OIT3: variants seen among roughly 807,000 people sequenced by gnomAD.
OIT3 encodes the protein oncoprotein-induced transcript 3 protein.
A neutral mutation model predicts 52.2 loss-of-function variants in OIT3; 41 were observed. That is an observed-to-expected ratio of 0.79 (90% CI 0.61 to 1.02). OIT3 has a LOEUF of 1.02. Among genes scored for constraint, OIT3 ranks in the 50% least tolerant of loss-of-function variants. The pLI, the probability that OIT3 is intolerant of heterozygous loss-of-function variation, is 0.00. For missense variants in OIT3, 634 were observed against 715.5 expected, an observed-to-expected ratio of 0.89 and a Z score of 1.30; for synonymous variants, 244 against 276.9, an observed-to-expected ratio of 0.88 and a Z score of 1.18.
chr10:72,894,454 C>G (rs1485337478), intron 1 of OIT3, among the ~76,000 whole-genome samples: 1 of 152,168 alleles, frequency 6.6e-6, no homozygotes, highest in Non-Finnish European at 1.5e-5. Flanking sequence ...AATGTGAGTA[C>G]TAACTGGAAC....
intron 5 of OIT3, 55 bp from the exon 6 acceptor site, chr10:72,913,253 G>T: frequency 3.5e-6 from 5 of 1,422,818 alleles, no homozygotes; most frequent in Non-Finnish European, 4.8e-6. Flanking sequence ...TCTCCTAAAA[G>T]CCTTCCTCCC....
chr10:72,901,991 AT>A (rs1244639229), intron 3 of OIT3, among the ~76,000 whole-genome samples: 5 of 152,008 alleles, frequency 3.3e-5, no homozygotes, highest in Non-Finnish European at 5.9e-5. Context: ...ATCAGCTCTG[AT>A]TGTGTCACTG....
At chr10:72,899,900 A>G (rs1457638722) in intron 2 of OIT3, among the ~76,000 whole-genome samples, 2 of 152,154 alleles carry the variant, frequency 1.3e-5, no homozygotes, top group Non-Finnish European at 2.9e-5. Flanking sequence ...CAATGTCTGT[A>G]TTCATTTTTT....
intron 7 of OIT3, among the ~76,000 whole-genome samples, chr10:72,928,847 CTTATT>C (rs964036041): frequency 2.6e-5 from 4 of 152,116 alleles, no homozygotes; most frequent in Non-Finnish European, 5.9e-5. Context: ...GTCAAGATGC[CTTATT>C]TTAAAATAAT....
rs774199341 is a variant in OIT3 at position 72,893,838 on chromosome 10, G to A, written c.40G>A (p.Gly14Ser). The change falls in exon 1 of 9, where the codon GGC (glycine) becomes AGC (serine). Residue 14 changes from glycine (G) to serine (S), a missense_variant. Coordinates refer to ENST00000334011, the MANE Select transcript of OIT3 (RefSeq NM_152635.3). ...FLLLTCLFIT[G>S]TSVSPVALDP... is the part of the protein sequence containing the mutation. The stretch of plus-strand genomic sequence containing the variant: ...GCTTCTCACCTGCCTCTTCATCACA[G>A]GCACCTCCGTGTCACCCGTGGGTGA... 1.3e-5 allele frequency: 21 copies of A among 1,610,276 alleles called. No homozygotes were observed. The highest frequency in any genetic ancestry group is 1.7e-4 in the Middle Eastern group (1 of 6,058).
intron 1 of OIT3, 26 bp downstream of exon 1, chr10:72,893,885 A>G (rs1845851506): frequency 6.3e-7 from 1 of 1,584,306 alleles, no homozygotes; most frequent in Admixed American, 1.8e-5. Context: ...AGAACTTGGC[A>G]CAATGCACTT....
intron 3 of OIT3, among the ~76,000 whole-genome samples, chr10:72,903,256 A>G (rs1003515929): frequency 9.9e-5 from 15 of 151,314 alleles, no homozygotes; most frequent in African/African-American, 3.2e-4. Context: ...ATGGAGTTTC[A>G]CTCCTGTTGC....
rs752963067 is a variant in OIT3, at chr10:72,898,847, C to A, written c.245C>A (p.Thr82Asn). Residue 82 changes from threonine (T) to asparagine (N), a missense_variant, in exon 2 of 9, where the codon ACC becomes AAC. Thr to Asn is a moderately conservative substitution (Grantham distance 65). Coordinates refer to ENST00000334011, the MANE Select transcript of OIT3 (RefSeq NM_152635.3). Reference protein sequence around the residue: ...TFCIPENHCGTHAPVWLNGSH... With the variant: ...TFCIPENHCGNHAPVWLNGSH... ...TGCATACCAGAAAACCACTGTGGAACCCACGCACCTGTCTGGCTCAATGGC... is the reference window on the plus strand; with the variant it reads ...TGCATACCAGAAAACCACTGTGGAAACCACGCACCTGTCTGGCTCAATGGC... 1 of 1,614,162 alleles carries A rather than the reference C, an allele frequency of 6.2e-7. No individual in the cohort carries two copies. The highest frequency in any genetic ancestry group is 2.2e-5 in the East Asian group (1 of 44,878).
chr10:72,923,487 G>A (rs74145985), intron 6 of OIT3, among the ~76,000 whole-genome samples: 6,097 of 152,240 alleles, frequency 0.04, 423 homozygotes, highest in African/African-American at 0.14. Flanking sequence ...CTTTCATAGA[G>A]CAACTGAACT....
At position 72,924,780 on chromosome 10, in the gene OIT3, A is replaced by G. The variant is rs148900450; in HGVS notation, c.1367+136A>G. On this transcript the variant is annotated intron_variant, in intron 7 of 8. Coordinates refer to ENST00000334011, the MANE Select transcript of OIT3 (RefSeq NM_152635.3). ...ATTAGTTCAGGAACCACTTATTGAC[A>G]TTTTGGAGGTAAAACTAGTGAGGGA... The G allele has an allele frequency of 2.1e-4, 169 of 793,806 alleles. 1 individual carries two copies. The East Asian group carries it at 4.2e-3, about 20-fold the overall frequency. The allele number at this position is 793,806 out of a possible 1,614,324, so 49.2% of individuals were successfully genotyped here.
intron 3 of OIT3, among the ~76,000 whole-genome samples, chr10:72,903,924 A>G (rs1355289824): frequency 6.6e-6 from 1 of 152,130 alleles, no homozygotes; most frequent in Non-Finnish European, 1.5e-5. Flanking sequence ...CACCCCTCAT[A>G]TTGTCTTATG....
At chr10:72,915,222 C>T (rs571612340) in intron 6 of OIT3, among the ~76,000 whole-genome samples, 6 of 152,030 alleles carry the variant, frequency 3.9e-5, no homozygotes, top group South Asian at 2.1e-4. Context: ...AAGAGCTAGG[C>T]GGTATAATAC....
chr10:72,905,587 G>GC (rs1380763663), intron 3 of OIT3, among the ~76,000 whole-genome samples: 1 of 152,192 alleles, frequency 6.6e-6, no homozygotes, highest in East Asian at 1.9e-4. Context: ...CATCACAGAT[G>GC]CTTTATCAGA....
intron 4 of OIT3, 60 bp downstream of exon 4, chr10:72,906,778 T>C: frequency 6.8e-7 from 1 of 1,476,950 alleles, no homozygotes; most frequent in Non-Finnish European, 9.0e-7. Flanking sequence ...TGGCTTATTC[T>C]CTGATGTTCA....
intron 4 of OIT3, among the ~76,000 whole-genome samples, chr10:72,909,513 G>A (rs1036749404): frequency 6.6e-6 from 1 of 151,994 alleles, no homozygotes; most frequent in Non-Finnish European, 1.5e-5. Flanking sequence ...AGAACATGCA[G>A]TATTTTTCTG....
At chr10:72,915,121 C>A (rs188348622) in intron 6 of OIT3, among the ~76,000 whole-genome samples, 1 of 152,270 alleles carries the variant, frequency 6.6e-6, no homozygotes, top group East Asian at 1.9e-4. Context: ...CGGCCTCAGA[C>A]CCCCAAAGTG....
rs530563907 is a variant in OIT3 at position 72,897,440 on chromosome 10, T to C, written c.62-1224T>C. 2.0e-5 allele frequency among the ~76,000 whole-genome samples: 3 copies of C among 152,370 alleles called. No individual in the cohort carries two copies. In the South Asian group the frequency reaches 6.2e-4, roughly 32 times the overall value. The stretch of plus-strand genomic sequence containing the variant: ...CTGAGAAACTTGGCTATATGACAGC[T>C]AGGATAGTAATGCCATGGTTAACTG... On this transcript the variant is annotated intron_variant, in intron 1 of 8. Transcript: ENST00000334011.
At position 72,922,013 on chromosome 10, in the gene OIT3, C is replaced by A. The variant is rs571300999; in HGVS notation, c.952-2216C>A. Among the ~76,000 whole-genome samples, 3 of 152,258 alleles carry A rather than the reference C, an allele frequency of 2.0e-5. No individual in the cohort carries two copies. In the South Asian group the frequency reaches 6.2e-4, roughly 32 times the overall value. On this transcript the variant is annotated intron_variant, in intron 6 of 8. Transcript: ENST00000334011. ...TTTAGGAATGTTGAATATTGGCCCC[C>A]AGTCTCTCCTGGCCTGTAGGGTTTC...
chr10:72,894,804 C>T (rs1233399166), intron 1 of OIT3, among the ~76,000 whole-genome samples: 1 of 152,122 alleles, frequency 6.6e-6, no homozygotes, highest in Admixed American at 6.5e-5. Context: ...GGGAGAATCA[C>T]TTGAACTCGG....
Sources: allele counts gnomAD v4.1 joint callset (sites outside exome capture counted in the v4.1 genomes callset), GRCh38; gene constraint gnomAD v4.1.1; transcripts MANE v1.5; gene names NCBI Gene and HGNC (gene_info 2026-07-23, HGNC 2026-07-21).